Variants in VPS16 observed in about 807,000 individuals in gnomAD.
VPS16 encodes the protein VPS16 core subunit of CORVET and HOPS complexes.
In VPS16, 82 loss-of-function variants were observed where a neutral mutation model predicts 116.0. That is an observed-to-expected ratio of 0.71 (90% CI 0.59 to 0.85). The LOEUF is 0.85. Among genes scored for constraint, VPS16 ranks in the 40% least tolerant of loss-of-function variants. The pLI is 0.00. For missense variants in VPS16, 928 were observed against 1,090.6 expected, an observed-to-expected ratio of 0.85 and a Z score of 2.10; for synonymous variants, 406 against 420.7, an observed-to-expected ratio of 0.96 and a Z score of 0.43.
chr20:2,854,548 C>T (rs1306071939), intron 1 of VPS16, among the ~76,000 whole-genome samples: 1 of 151,990 alleles, frequency 6.6e-6, no homozygotes, highest in African/African-American at 2.4e-5. Flanking sequence ...AATCCCAACA[C>T]TTTGGGAGGC....
In VPS16 at chr20:2,840,807, CG is replaced by C. The variant is rs2088958753; in HGVS notation, c.37del (p.Asp13ThrfsTer17). ...DCYTANWNPLGDSAFYRKYEL... is the reference protein window; with the variant it reads ...DCYTANWNPLXDSAFYRKYEL... ...GCTACACGGCGAACTGGAACCCACTCGGGGACTCTGCCTTTTACCGGTGAGC... is the reference window on the plus strand; with the variant it reads ...GCTACACGGCGAACTGGAACCCACTCGGGACTCTGCCTTTTACCGGTGAGC... On this transcript the variant is annotated frameshift_variant, in exon 1 of 24. Coordinates refer to ENST00000380445, the MANE Select transcript of VPS16 (RefSeq NM_022575.4). LOFTEE classifies it high-confidence loss of function. 2 of 1,548,054 alleles carry C rather than the reference CG, an allele frequency of 1.3e-6. No homozygotes were observed. The highest frequency in any genetic ancestry group is 1.7e-6 in the Non-Finnish European group (2 of 1,146,568).
At chr20:2,852,181 G>A (rs535636746) in intron 1 of VPS16, among the ~76,000 whole-genome samples, 251 of 152,234 alleles carry the variant, frequency 1.6e-3, no homozygotes, top group Non-Finnish European at 2.8e-3. Flanking sequence ...CATGCTTTGC[G>A]GATGTGTGGC....
Position 2,864,053 on chromosome 20 carries a change from T to G in VPS16, c.1581T>G (p.Tyr527Ter). 6.2e-7 allele frequency: 1 copy of G among 1,614,174 alleles called. No homozygotes were observed. The highest frequency in any genetic ancestry group is 8.5e-7 in the Non-Finnish European group (1 of 1,180,012). The change falls in exon 16 of 24, where the codon TAT becomes TAG. Residue 527 changes from tyrosine to a stop codon, truncating the protein, a stop_gained. Transcript: ENST00000380445. LOFTEE classifies it high-confidence loss of function. This position sits in a 1 kb window ranked among gnomAD's most constrained non-coding sequence, Gnocchi z 5.2. ...ACTCCGACATTGCTGCACGAGCCTA[T>G]GGTTGTGGCCGCACGGAGCTGGCCA... The part of the protein sequence containing the change: ...VSYSDIAARA[Y>*]GCGRTELAIK...
intron 1 of VPS16, among the ~76,000 whole-genome samples, chr20:2,843,115 A>G (rs902494814): frequency 2.6e-4 from 40 of 152,142 alleles, no homozygotes; most frequent in Non-Finnish European, 4.6e-4. Context: ...TTTGTTGTTT[A>G]TTTATAATTC....
chr20:2,841,500 C>G (rs1368313548), intron 1 of VPS16, among the ~76,000 whole-genome samples: 1 of 152,212 alleles, frequency 6.6e-6, no homozygotes, highest in Non-Finnish European at 1.5e-5. Flanking sequence ...TCCAGCTGCG[C>G]AGAATTACAA....
At chr20:2,862,732 GGGGAGGGTGGGGCT>G in intron 12 of VPS16, 22 bp downstream of exon 12, 1 of 1,610,196 alleles carries the variant, frequency 6.2e-7, no homozygotes, top group African/African-American at 1.3e-5. Context: ...TGGCCGGGCC[GGGGAGGGTGGGGCT>G]GGGAGGGGGT....
Position 2,865,363 on chromosome 20 carries a change from T to C in VPS16, c.2175-36T>C, listed in dbSNP as rs2089317749. On this transcript the variant is annotated intron_variant, in intron 21 of 23. Transcript: ENST00000380445. This position sits in a 1 kb window ranked among gnomAD's most constrained non-coding sequence, Gnocchi z 5.2. ...CATGTGGGTCCCAGGACCACCTGCCTCTCCTGCAACACCTCCAAGCCCAGC... is the reference window on the plus strand; with the variant it reads ...CATGTGGGTCCCAGGACCACCTGCCCCTCCTGCAACACCTCCAAGCCCAGC... 1.9e-6 allele frequency: 3 copies of C among 1,613,918 alleles called. No homozygotes were observed. The East Asian group carries it at 6.7e-5, about 36-fold the overall frequency.
chr20:2,845,007 G>GGTGT (rs375923174), intron 1 of VPS16, among the ~76,000 whole-genome samples: 33,226 of 143,874 alleles, frequency 0.23, 3,850 homozygotes, highest in East Asian at 0.33. Flanking sequence ...ATTTGCAAGG[G>GGTGT]GTGTGTGTGT....
chr20:2,861,796 C>G lies in VPS16; in HGVS notation c.900-9C>G, dbSNP rs745410442. The G allele has an allele frequency of 4.2e-5, 68 of 1,613,596 alleles. No homozygotes were observed. Among genetic ancestry groups the G allele is most frequent in the Non-Finnish European group, 5.6e-5 (66 of 1,179,872 alleles). ...TGTAGGTGCTCTTAGGAGCCTTAACCAAGCTCAGGTTTGTGCTGGATGAGG... is the reference window on the plus strand; with the variant it reads ...TGTAGGTGCTCTTAGGAGCCTTAACGAAGCTCAGGTTTGTGCTGGATGAGG... On this transcript the variant is annotated splice_polypyrimidine_tract_variant and intron_variant, in intron 9 of 23. Transcript: ENST00000380445.
chr20:2,862,749 G>GGGT, intron 12 of VPS16, 39 bp downstream of exon 12: 1 of 1,560,084 alleles, frequency 6.4e-7, no homozygotes, highest in Non-Finnish European at 8.8e-7. Flanking sequence ...GTGGGGCTGG[G>GGGT]AGGGGGTGGG....
In VPS16 at chr20:2,860,523, AG is replaced by A; in HGVS notation, c.448del (p.Ala150ProfsTer61). Reference protein sequence around the residue: ...EFGSGVAILTGAHRFTLSANV... With the variant: ...EFGSGVAILTXAHRFTLSANV... ...TTGGTTCCGGAGTGGCCATCCTCAC[AG>A]GGGCCCACCGCTTCACCCTCAGTGC... On this transcript the variant is annotated frameshift_variant, in exon 5 of 24. Coordinates refer to ENST00000380445, the MANE Select transcript of VPS16 (RefSeq NM_022575.4). LOFTEE classifies it high-confidence loss of function. The surrounding 1 kb of genome is among the most constrained non-coding windows in gnomAD (Gnocchi z 6.1). 6.2e-7 allele frequency: 1 copy of A among 1,613,918 alleles called. No individual in the cohort carries two copies. The highest frequency in any genetic ancestry group is 8.5e-7 in the Non-Finnish European group (1 of 1,179,968).
chr20:2,842,856 G>GTATC (rs1157632431), intron 1 of VPS16, among the ~76,000 whole-genome samples: 1 of 122,264 alleles, frequency 8.2e-6, no homozygotes, highest in Non-Finnish European at 1.6e-5. Flanking sequence ...ATAGATAGAT[G>GTATC]TATCTATCGA....
rs369025356 is a variant in VPS16, at chr20:2,853,669, A to T, written c.54-6050A>T. On this transcript the variant is annotated intron_variant, in intron 1 of 23. Transcript: ENST00000380445. ...CTCTCATGAATCATAAGAGTATTTT[A>T]TTTTTATTTTTTTTATTTTTTGGGA... Among the ~76,000 whole-genome samples the T allele has an allele frequency of 1.9e-3, 285 of 151,870 alleles. 1 individual carries two copies. Among genetic ancestry groups the T allele is most frequent in the African/African-American group, 6.4e-3 (265 of 41,418 alleles).
chr20:2,853,741 C>T (rs951979442), intron 1 of VPS16, among the ~76,000 whole-genome samples: 7 of 152,020 alleles, frequency 4.6e-5, no homozygotes, highest in Non-Finnish European at 7.4e-5. Context: ...GGCATGATCT[C>T]GGCTCACTGC....
chr20:2,859,293 A>G (rs1443859236), intron 1 of VPS16, among the ~76,000 whole-genome samples: 1 of 152,146 alleles, frequency 6.6e-6, no homozygotes, highest in Non-Finnish European at 1.5e-5. Flanking sequence ...TCTCTCAAAA[A>G]AGAAGGACTA....
intron 1 of VPS16, among the ~76,000 whole-genome samples, chr20:2,856,098 G>A (rs1599989474): frequency 6.6e-6 from 1 of 152,190 alleles, no homozygotes; most frequent in East Asian, 1.9e-4. Flanking sequence ...TTGATTTAAA[G>A]TGAGAGATTT....
rs776191762 is a variant in VPS16 at position 2,865,333 on chromosome 20, G to A, written c.2174+16G>A. 1 of 1,614,184 alleles carries A rather than the reference G, an allele frequency of 6.2e-7. No individual in the cohort carries two copies. The highest frequency in any genetic ancestry group is 8.5e-7 in the Non-Finnish European group (1 of 1,180,024). Reference sequence around the variant, plus strand: ...CTGACAAGAGGTAGGTGAGGGCCCAGGCTGCATGTGGGTCCCAGGACCACC... The same window carrying A: ...CTGACAAGAGGTAGGTGAGGGCCCAAGCTGCATGTGGGTCCCAGGACCACC... On this transcript the variant is annotated intron_variant, in intron 21 of 23. Transcript: ENST00000380445. This position sits in a 1 kb window ranked among gnomAD's most constrained non-coding sequence, Gnocchi z 5.2.
intron 1 of VPS16, among the ~76,000 whole-genome samples, chr20:2,854,031 G>A (rs888417872): frequency 6.6e-6 from 1 of 152,042 alleles, no homozygotes; most frequent in African/African-American, 2.4e-5. Context: ...AGCTGAGATT[G>A]CACCACTGAA....
chr20:2,862,989 G>A (rs959096406), intron 13 of VPS16, 55 bp downstream of exon 13: 2 of 1,613,998 alleles, frequency 1.2e-6, no homozygotes, highest in Admixed American at 3.3e-5. Flanking sequence ...CAGGGGAAGG[G>A]GCTGGAGATG....
Sources: gnomAD v4.1 joint callset for allele counts (sites outside exome capture counted in the v4.1 genomes callset) on GRCh38, gnomAD v4.1.1 for gene constraint, Gnocchi (gnomAD v3.1) non-coding constraint, MANE v1.5 for transcripts, NCBI Gene and HGNC (gene_info 2026-07-23, HGNC 2026-07-21) for gene names.